Variants in PRKG1 observed in about 807,000 individuals in gnomAD.
The protein encoded by PRKG1 is cGMP-dependent protein kinase 1.
A neutral mutation model predicts 88.1 loss-of-function variants in PRKG1; 35 were observed. The observed-to-expected ratio is 0.40, with a 90% CI of 0.30 to 0.53. The LOEUF (loss-of-function observed/expected upper bound fraction) is 0.53. Among genes scored for constraint, PRKG1 ranks in the 20% least tolerant of loss-of-function variants. The pLI, the probability that PRKG1 is intolerant of heterozygous loss-of-function variation, is 0.59. For missense variants in PRKG1, 540 were observed against 839.8 expected, an observed-to-expected ratio of 0.64 and a Z score of 4.41; for synonymous variants, 303 against 292.5, an observed-to-expected ratio of 1.04 and a Z score of -0.37.
intron 9 of PRKG1, among the ~76,000 whole-genome samples, chr10:52,193,122 G>A (rs1839407636): frequency 6.6e-6 from 1 of 152,254 alleles, no homozygotes; most frequent in African/African-American, 2.4e-5. Context: ...AATCTTCATA[G>A]AGGAAATATT....
intron 3 of PRKG1, among the ~76,000 whole-genome samples, chr10:51,472,194 G>A (rs2132824421): frequency 6.6e-6 from 1 of 151,992 alleles, no homozygotes; most frequent in East Asian, 1.9e-4. Context: ...TGTCATAGAT[G>A]TTTTAAGAGC....
At chr10:52,260,365 T>C (rs1267487312) in intron 10 of PRKG1, among the ~76,000 whole-genome samples, 4 of 152,120 alleles carry the variant, frequency 2.6e-5, no homozygotes, top group African/African-American at 4.8e-5. Flanking sequence ...TTCATCCCTA[T>C]ATTTCAAAAG....
chr10:51,745,457 G>T (rs1056307546), intron 3 of PRKG1, among the ~76,000 whole-genome samples: 1 of 152,058 alleles, frequency 6.6e-6, no homozygotes, highest in African/African-American at 2.4e-5. Context: ...AAATACAAAA[G>T]ACTGAAATGA....
At chr10:51,234,726 A>G (rs1417998997) in intron 2 of PRKG1, among the ~76,000 whole-genome samples, 1 of 152,016 alleles carries the variant, frequency 6.6e-6, no homozygotes, top group Non-Finnish European at 1.5e-5. Flanking sequence ...CTTTTTTTGT[A>G]TTTTTTTCCT....
intron 10 of PRKG1, among the ~76,000 whole-genome samples, chr10:52,264,715 C>A (rs1206990409): frequency 6.6e-6 from 1 of 152,056 alleles, no homozygotes; most frequent in Non-Finnish European, 1.5e-5. Context: ...CCTGGATTCC[C>A]TTATGCCTTG....
At chr10:51,463,628 A>G (rs1839802723) in intron 2 of PRKG1, among the ~76,000 whole-genome samples, 1 of 152,212 alleles carries the variant, frequency 6.6e-6, no homozygotes, top group South Asian at 2.1e-4. Flanking sequence ...GAAAGCTTTT[A>G]TTATTCTTAG....
intron 3 of PRKG1, among the ~76,000 whole-genome samples, chr10:51,488,530 C>T (rs1372507925): frequency 3.3e-5 from 5 of 152,082 alleles, no homozygotes; most frequent in African/African-American, 4.8e-5. Context: ...AAACCAGCTC[C>T]GTAGTAGACT....
intron 2 of PRKG1, among the ~76,000 whole-genome samples, chr10:51,260,445 T>A (rs998861678): frequency 3.9e-5 from 6 of 152,146 alleles, no homozygotes; most frequent in African/African-American, 1.4e-4. Context: ...AAAAAAAAAT[T>A]TTTTATTCTT....
intron 4 of PRKG1, among the ~76,000 whole-genome samples, chr10:51,847,467 T>C (rs149488660): frequency 1.7e-4 from 26 of 152,152 alleles, no homozygotes; most frequent in African/African-American, 5.8e-4. Flanking sequence ...ATGTGATGAC[T>C]TACTAAAATC....
At chr10:51,986,255 C>T (rs1279206916) in intron 5 of PRKG1, among the ~76,000 whole-genome samples, 1 of 152,166 alleles carries the variant, frequency 6.6e-6, no homozygotes, top group Non-Finnish European at 1.5e-5. Context: ...AAGAAAGTTT[C>T]TGAAACTAGG....
At chr10:52,060,959 T>G (rs1393338883) in intron 6 of PRKG1, among the ~76,000 whole-genome samples, 1 of 152,030 alleles carries the variant, frequency 6.6e-6, no homozygotes, top group Non-Finnish European at 1.5e-5. Context: ...ATTCATATAA[T>G]GGAATGCTGT....
intron 3 of PRKG1, among the ~76,000 whole-genome samples, chr10:51,763,522 G>A (rs1838077248): frequency 6.6e-6 from 1 of 151,410 alleles, no homozygotes; most frequent in Admixed American, 6.6e-5. Context: ...CAAAGTGCTG[G>A]GATTACAGTC....
At chr10:52,110,069 G>T (rs768527389) in intron 7 of PRKG1, among the ~76,000 whole-genome samples, 3 of 151,920 alleles carry the variant, frequency 2.0e-5, no homozygotes, top group Non-Finnish European at 2.9e-5. Flanking sequence ...TTCTAGGCCG[G>T]GCGCCGTGGC....
chr10:52,173,325 A>G (rs774838995), intron 9 of PRKG1, among the ~76,000 whole-genome samples: 73 of 152,326 alleles, frequency 4.8e-4, no homozygotes, highest in African/African-American at 1.6e-3. Flanking sequence ...TTATCATTAT[A>G]CAATTTTCTT....
At chr10:52,183,326 C>G (rs1432235347) in intron 9 of PRKG1, among the ~76,000 whole-genome samples, 1 of 152,146 alleles carries the variant, frequency 6.6e-6, no homozygotes, top group Non-Finnish European at 1.5e-5. Flanking sequence ...AAAGTGGGTA[C>G]AAAGGAACTG....
At chr10:51,590,950 A>G (rs1328009058) in intron 3 of PRKG1, among the ~76,000 whole-genome samples, 1 of 152,224 alleles carries the variant, frequency 6.6e-6, no homozygotes, top group Non-Finnish European at 1.5e-5. Context: ...GGAATGTGGA[A>G]ACCTGCAATT....
At chr10:51,526,865 A>G (rs1014084850) in intron 3 of PRKG1, among the ~76,000 whole-genome samples, 3 of 152,076 alleles carry the variant, frequency 2.0e-5, no homozygotes, top group African/African-American at 7.2e-5. Context: ...CCTTATTACC[A>G]TATTGCCCTT....
At chr10:51,783,576 G>A (rs774047360) in intron 3 of PRKG1, among the ~76,000 whole-genome samples, 3 of 151,988 alleles carry the variant, frequency 2.0e-5, no homozygotes, top group Non-Finnish European at 2.9e-5. Context: ...GCCACTGCAC[G>A]CAGCCAGACC....
chr10:51,741,450 A>C (rs1837431411), intron 3 of PRKG1, among the ~76,000 whole-genome samples: 1 of 152,142 alleles, frequency 6.6e-6, no homozygotes, highest in Non-Finnish European at 1.5e-5. Flanking sequence ...TAGCCAGTTA[A>C]ATCAATTCAA....
Sources: gnomAD v4.1 joint callset for allele counts (sites outside exome capture counted in the v4.1 genomes callset) on GRCh38, gnomAD v4.1.1 for gene constraint, MANE v1.5 for transcripts, NCBI Gene and HGNC (gene_info 2026-07-23, HGNC 2026-07-21) for gene names.